Variants in HOPX observed in about 807,000 individuals in gnomAD.
The protein encoded by HOPX is HOP homeobox, also known as homeodomain-only protein.
In HOPX, 5 loss-of-function variants were observed where a neutral mutation model predicts 11.8. The observed-to-expected ratio is 0.43, with a 90% CI of 0.22 to 0.89. The LOEUF is 0.89. HOPX is among the 40% of genes least tolerant of loss of function. HOPX has a pLI of 0.28. For missense variants in HOPX, 119 were observed against 120.0 expected (o/e 0.99, Z 0.04); for synonymous variants, 49 against 49.7 (o/e 0.99, Z 0.06).
chr4:56,649,422 A>G (rs1716939416), intron 3 of HOPX: 1 of 152,244 alleles, frequency 6.6e-6, no homozygotes, highest in African/African-American at 2.4e-5. Context: ...GGCCTTCCTC[A>G]TTGGTAGCAG....
chr4:56,671,736 A>G (rs1718745668), intron 1 of HOPX, among the ~76,000 whole-genome samples: 3 of 152,232 alleles, frequency 2.0e-5, no homozygotes, highest in South Asian at 4.1e-4. Flanking sequence ...AGCTCAGGGG[A>G]CAGCTTTGAA....
intron 1 of HOPX, among the ~76,000 whole-genome samples, chr4:56,659,724 A>G (rs537217314): frequency 6.6e-6 from 1 of 152,340 alleles, no homozygotes; most frequent in East Asian, 1.9e-4. Flanking sequence ...AGAGACACAA[A>G]AAGTATTTCA....
intron 1 of HOPX, chr4:56,665,722 CTA>C (rs1322897108): frequency 3.9e-5 from 6 of 152,156 alleles, no homozygotes; most frequent in Non-Finnish European, 1.5e-5. Context: ...AGCAGCAACA[CTA>C]TGTGTTCTTA....
intron 1 of HOPX, among the ~76,000 whole-genome samples, chr4:56,667,307 C>T (rs185676710): frequency 1.3e-3 from 203 of 152,230 alleles, no homozygotes; most frequent in African/African-American, 4.6e-3. Context: ...TGTTTTAGGA[C>T]GTTAGACATT....
At chr4:56,673,783 C>T (rs148385444) in intron 1 of HOPX, among the ~76,000 whole-genome samples, 2 of 152,168 alleles carry the variant, frequency 1.3e-5, no homozygotes, top group Non-Finnish European at 2.9e-5. Flanking sequence ...TGGCTCCCTG[C>T]AGCCTTCGCC....
At chr4:56,654,454 T>C (rs1717485933) in intron 3 of HOPX, among the ~76,000 whole-genome samples, 1 of 152,206 alleles carries the variant, frequency 6.6e-6, no homozygotes, top group Non-Finnish European at 1.5e-5. Flanking sequence ...CACTCCTCTT[T>C]TCTAAGCATA....
chr4:56,667,966 CCAGGCTGGAGTGCAGTGG>C (rs1246906435), intron 1 of HOPX, among the ~76,000 whole-genome samples: 1 of 152,046 alleles, frequency 6.6e-6, no homozygotes, highest in Non-Finnish European at 1.5e-5. Flanking sequence ...ACTCTGTCAT[CCAGGCTGGAGTGCAGTGG>C]TGCGATCTCG....
intron 1 of HOPX, among the ~76,000 whole-genome samples, chr4:56,669,357 AT>A (rs1718608384): frequency 6.6e-6 from 1 of 152,174 alleles, no homozygotes; most frequent in Non-Finnish European, 1.5e-5. Flanking sequence ...TGATCATATA[AT>A]TTGTCACCTA....
At chr4:56,669,687 TAATAATAATAATAATA>T (rs1560372628) in intron 1 of HOPX, among the ~76,000 whole-genome samples, 13 of 149,990 alleles carry the variant, frequency 8.7e-5, no homozygotes, top group African/African-American at 3.2e-4. Context: ...ATAATAATAA[TAATAATAATAATAATA>T]ACACCAGTAC....
At chr4:56,664,895 G>C (rs1181832931) in intron 1 of HOPX, 1 of 152,194 alleles carries the variant, frequency 6.6e-6, no homozygotes, top group Non-Finnish European at 1.5e-5. Context: ...AATATTTTAT[G>C]AATTGGTGAG....
intron 1 of HOPX, 193 bp downstream of exon 1, chr4:56,681,061 TG>T: frequency 1.0e-6 from 1 of 985,298 alleles, no homozygotes; most frequent in Non-Finnish European, 1.2e-6. Context: ...CAGTTTTGTT[TG>T]TAAGGGACTG....
chr4:56,655,475 C>G (rs532015736), intron 3 of HOPX, among the ~76,000 whole-genome samples: 5 of 152,298 alleles, frequency 3.3e-5, no homozygotes, highest in Middle Eastern at 3.4e-3. Flanking sequence ...CGCAGACAGA[C>G]CAGAGGGGAC....
chr4:56,654,531 TGTTA>T (rs539465401), intron 3 of HOPX, among the ~76,000 whole-genome samples: 132 of 152,370 alleles, frequency 8.7e-4, no homozygotes, highest in African/African-American at 2.4e-3. Flanking sequence ...AAACATGAGC[TGTTA>T]GACTTGGGTT....
At chr4:56,676,847 A>G (rs1034832142) in intron 1 of HOPX, among the ~76,000 whole-genome samples, 1 of 151,048 alleles carries the variant, frequency 6.6e-6, no homozygotes, top group Non-Finnish European at 1.5e-5. Context: ...GCCCCTCTTC[A>G]GAGACAGGAC....
Position 56,674,490 on chromosome 4 carries a change from C to A in HOPX, c.-84+6765G>T, listed in dbSNP as rs1718898791. On this transcript the variant is annotated intron_variant, in intron 1 of 3. Coordinates refer to ENST00000420433, the MANE Select transcript of HOPX (RefSeq NM_032495.6). Reference sequence around the variant, plus strand: ...ATCCTAGGAAATTTTCCTCATGATCCTAGATGGAATGACTAGACCTAACAG... The same window carrying A: ...ATCCTAGGAAATTTTCCTCATGATCATAGATGGAATGACTAGACCTAACAG... 1.3e-5 allele frequency among the ~76,000 whole-genome samples: 2 copies of A among 151,584 alleles called. 1 individual carries two copies. Among genetic ancestry groups the A allele is most frequent in the African/African-American group, 4.9e-5 (2 of 40,882 alleles).
chr4:56,661,046 G>A (rs746108103), intron 1 of HOPX, among the ~76,000 whole-genome samples: 2 of 152,120 alleles, frequency 1.3e-5, no homozygotes, highest in Non-Finnish European at 2.9e-5. Flanking sequence ...TCCTGGGCTC[G>A]AGTGATCCTT....
intron 3 of HOPX, 27 bp downstream of exon 3, chr4:56,655,830 G>T: frequency 1.9e-6 from 3 of 1,606,062 alleles, no homozygotes; most frequent in Non-Finnish European, 2.5e-6. Context: ...AGGGGTCGGG[G>T]CGCGCTGGGC....
intron 3 of HOPX, chr4:56,650,699 C>G (rs1231916810): frequency 6.4e-7 from 1 of 1,551,714 alleles, no homozygotes; most frequent in South Asian, 1.2e-5. Flanking sequence ...ACTGGGGCGG[C>G]AGTAGAGAAA....
chr4:56,651,129 T>C, intron 3 of HOPX: 1 of 222,874 alleles, frequency 4.5e-6, no homozygotes, highest in Non-Finnish European at 8.9e-6. Context: ...ATGGTTGAGC[T>C]GGTCTCATTT....
Sources: gnomAD v4.1 joint callset for allele counts (sites outside exome capture counted in the v4.1 genomes callset) on GRCh38, gnomAD v4.1.1 for gene constraint, MANE v1.5 for transcripts, NCBI Gene and HGNC (gene_info 2026-07-23, HGNC 2026-07-21) for gene names.